ZBTB20: variants seen among roughly 807,000 people sequenced by gnomAD.
The protein encoded by ZBTB20 is zinc finger and BTB domain-containing protein 20.
A neutral mutation model predicts 56.9 loss-of-function variants in ZBTB20; 9 were observed. The ratio of observed to expected loss-of-function variants is 0.16; its 90% CI spans 0.10 to 0.28. The LOEUF (loss-of-function observed/expected upper bound fraction) is 0.28. Among genes scored for constraint, ZBTB20 ranks in the 10% least tolerant of loss-of-function variants. The probability of loss-of-function intolerance (pLI) is 1.00; values close to 1 mark genes in which losing one functional copy is unlikely to be tolerated. For missense variants in ZBTB20, 655 were observed against 1,003.0 expected, an observed-to-expected ratio of 0.65 and a Z score of 4.69; for synonymous variants, 417 against 420.7, an observed-to-expected ratio of 0.99 and a Z score of 0.11.
chr3:114,442,482 G>A (rs1306055111), intron 7 of ZBTB20, among the ~76,000 whole-genome samples: 5 of 152,090 alleles, frequency 3.3e-5, no homozygotes, highest in Non-Finnish European at 7.4e-5. Flanking sequence ...ACCAGTAACA[G>A]CAAGTGCACA....
At chr3:114,536,544 G>A (rs1424540264) in intron 6 of ZBTB20, among the ~76,000 whole-genome samples, 5 of 152,168 alleles carry the variant, frequency 3.3e-5, no homozygotes, top group African/African-American at 7.2e-5. Flanking sequence ...AATCAATATC[G>A]TGAAAATGGC....
chr3:114,549,527 C>T (rs2050295725), intron 6 of ZBTB20, among the ~76,000 whole-genome samples: 2 of 152,090 alleles, frequency 1.3e-5, no homozygotes, highest in African/African-American at 2.4e-5. Context: ...ACAATTCATT[C>T]TCTACTAGCA....
chr3:115,106,608 C>T (rs1004255928), intron 1 of ZBTB20, among the ~76,000 whole-genome samples: 3 of 152,082 alleles, frequency 2.0e-5, no homozygotes, highest in African/African-American at 7.2e-5. Flanking sequence ...AATAGTAGGC[C>T]AGGAGTACCA....
At position 114,328,180 on chromosome 3, in the gene ZBTB20, T is replaced by C. The variant is rs2079122199; in HGVS notation, c.*10825A>G. ...GACACTTTCAAAACTTTATGGATCT[T>C]TTCATCCATTAGTAAGTTACTGCTC... is the stretch of plus-strand genomic sequence containing the variant. On this transcript the variant is annotated 3_prime_UTR_variant, in exon 12 of 12. Coordinates refer to ENST00000675478, the MANE Select transcript of ZBTB20 (RefSeq NM_001348800.3). The C allele has an allele frequency of 6.6e-6, 1 of 152,170 alleles. No homozygotes were observed. Among genetic ancestry groups the C allele is most frequent in the Non-Finnish European group, 1.5e-5 (1 of 68,030 alleles). 9.4% of individuals were successfully genotyped at this position (152,170 alleles called of 1,614,324 possible). A position where few individuals can be genotyped will look rare whatever the true frequency, so the allele number is the denominator to read the frequency against.
intron 7 of ZBTB20, among the ~76,000 whole-genome samples, chr3:114,473,118 A>G (rs1480188658): frequency 4.6e-5 from 7 of 152,216 alleles, no homozygotes; most frequent in Non-Finnish European, 7.3e-5. Context: ...ACATACTTCA[A>G]CTGTGGCTAT....
chr3:114,940,985 T>C (rs2076703960), intron 3 of ZBTB20, among the ~76,000 whole-genome samples: 1 of 146,088 alleles, frequency 6.8e-6, no homozygotes, highest in East Asian at 1.9e-4. Flanking sequence ...ATTGATCTCC[T>C]AAAATCCACA....
At chr3:114,701,927 A>G (rs2063410698) in intron 5 of ZBTB20, among the ~76,000 whole-genome samples, 1 of 152,222 alleles carries the variant, frequency 6.6e-6, no homozygotes, top group African/African-American at 2.4e-5. Flanking sequence ...TGTCTTAGAT[A>G]AGAAAATGCA....
intron 6 of ZBTB20, among the ~76,000 whole-genome samples, chr3:114,615,488 A>G (rs1043062603): frequency 6.6e-6 from 1 of 152,214 alleles, no homozygotes; most frequent in Non-Finnish European, 1.5e-5. Flanking sequence ...GCACAGGTAA[A>G]TGTAAAAGTT....
chr3:114,830,680 G>A (rs1410127190), intron 4 of ZBTB20, among the ~76,000 whole-genome samples: 1 of 152,000 alleles, frequency 6.6e-6, no homozygotes, highest in African/African-American at 2.4e-5. Flanking sequence ...AGAAGTTAGA[G>A]TTAAGTAACT....
At chr3:115,036,319 G>A (rs1248040490) in intron 2 of ZBTB20, among the ~76,000 whole-genome samples, 1 of 148,572 alleles carries the variant, frequency 6.7e-6, no homozygotes, top group Non-Finnish European at 1.5e-5. Flanking sequence ...TTTTTTTTCC[G>A]AGACGGAGTC....
rs139937916 is a variant in ZBTB20, at chr3:114,466,417, CT to C, written c.-255+33934del. ...CTGTGATCCTGTCTTTTTCATGGAC[CT>C]TTTCCTATCTGTTGCCTCCATGAGA... On this transcript the variant is annotated intron_variant, in intron 7 of 11. Transcript: ENST00000675478. Among the ~76,000 whole-genome samples the C allele has an allele frequency of 3.0e-3, 451 of 152,264 alleles. 2 individuals carry two copies. Among genetic ancestry groups the C allele is most frequent in the African/African-American group, 0.01 (431 of 41,546 alleles).
chr3:114,343,016 C>T (rs375250513), intron 11 of ZBTB20, among the ~76,000 whole-genome samples: 3 of 152,178 alleles, frequency 2.0e-5, no homozygotes, highest in East Asian at 3.9e-4. Context: ...AGGCAGTGCC[C>T]TTTACTGCCT....
chr3:115,017,709 A>C (rs1475632198), intron 2 of ZBTB20, among the ~76,000 whole-genome samples: 3 of 151,532 alleles, frequency 2.0e-5, no homozygotes, highest in African/African-American at 7.3e-5. Flanking sequence ...CATTTGTATC[A>C]TCACTATAGT....
intron 7 of ZBTB20, among the ~76,000 whole-genome samples, chr3:114,390,467 C>G (rs576509509): frequency 4.5e-4 from 68 of 152,328 alleles, no homozygotes; most frequent in Middle Eastern, 3.4e-3. Flanking sequence ...TCCATAGGCT[C>G]TAACCCTGAG....
At chr3:114,758,503 A>C (rs1281104971) in intron 5 of ZBTB20, among the ~76,000 whole-genome samples, 1 of 152,208 alleles carries the variant, frequency 6.6e-6, no homozygotes, top group Non-Finnish European at 1.5e-5. Context: ...AAATAAATGC[A>C]ATAGTTGTAC....
intron 5 of ZBTB20, among the ~76,000 whole-genome samples, chr3:114,704,210 C>T (rs1921487): frequency 0.024 from 3,618 of 152,196 alleles, 67 homozygotes; most frequent in Non-Finnish European, 0.032. Context: ...ATTTCTAACT[C>T]TTTTATTACA....
At chr3:114,639,837 T>C (rs757677853) in intron 6 of ZBTB20, among the ~76,000 whole-genome samples, 32 of 152,018 alleles carry the variant, frequency 2.1e-4, no homozygotes, top group Non-Finnish European at 3.8e-4. Context: ...ATAGGCAGAA[T>C]TGGAAGATAG....
chr3:114,617,902 C>T (rs1253207239), intron 6 of ZBTB20, among the ~76,000 whole-genome samples: 1 of 152,028 alleles, frequency 6.6e-6, no homozygotes, highest in Non-Finnish European at 1.5e-5. Flanking sequence ...ACCTCTCCAC[C>T]CTATTTAAAA....
chr3:114,732,882 AG>A (rs2065863277), intron 5 of ZBTB20, among the ~76,000 whole-genome samples: 1 of 152,180 alleles, frequency 6.6e-6, no homozygotes, highest in Non-Finnish European at 1.5e-5. Context: ...ATATTTAAGA[AG>A]GGCTAGAGAT....
Sources: allele counts gnomAD v4.1 joint callset (sites outside exome capture counted in the v4.1 genomes callset), GRCh38; gene constraint gnomAD v4.1.1; transcripts MANE v1.5; gene names NCBI Gene and HGNC (gene_info 2026-07-23, HGNC 2026-07-21).